TLL2: variants seen among roughly 807,000 people sequenced by gnomAD.
TLL2 encodes tolloid-like protein 2.
Under a neutral mutation model 123.0 loss-of-function variants are expected in TLL2, and 106 were observed. That is an observed-to-expected ratio of 0.86 (90% CI 0.74 to 1.01). The LOEUF (loss-of-function observed/expected upper bound fraction) is 1.01. Ranked by LOEUF, TLL2 falls within the 50% of genes least tolerant of loss-of-function variation. The probability of loss-of-function intolerance (pLI) is 0.00; values close to 1 mark genes in which losing one functional copy is unlikely to be tolerated. For synonymous variants in TLL2, 494 were observed against 516.8 expected (o/e 0.96, Z 0.60); for missense variants, 1,332 against 1,336.7 (o/e 1.00, Z 0.06).
At chr10:96,376,671 T>A (rs1846140313) in intron 18 of TLL2, 21 bp downstream of exon 18, 1 of 1,609,338 alleles carries the variant, frequency 6.2e-7, no homozygotes, top group South Asian at 1.1e-5. Context: ...ACATTCTCAA[T>A]AAACTACAAA....
At position 96,395,314 on chromosome 10, in the gene TLL2, G is replaced by A; in HGVS notation, c.1599C>T (p.Ala533=). 6.2e-7 allele frequency: 1 copy of A among 1,613,954 alleles called. No individual in the cohort carries two copies. Among genetic ancestry groups the A allele is most frequent in the East Asian group, 2.2e-5 (1 of 44,872 alleles). ...EVRDGPTEES[A]LIGHFCGYEK... ...CATAGCCACAAAAGTGGCCGATCAG[G>A]GCACTCTCTTCCGTGGGGCCATCCC... The change falls in exon 13 of 21, where the codon GCC becomes GCT. Residue 533 remains alanine, a synonymous_variant. Transcript: ENST00000357947.
chr10:96,483,397 CAT>C (rs1847329632), intron 1 of TLL2, among the ~76,000 whole-genome samples: 1 of 152,234 alleles, frequency 6.6e-6, no homozygotes, highest in Non-Finnish European at 1.5e-5. Flanking sequence ...CCTCTTGCAA[CAT>C]GTGTCCAGCC....
At chr10:96,432,525 C>G (rs761651339) in intron 4 of TLL2, among the ~76,000 whole-genome samples, 2 of 152,166 alleles carry the variant, frequency 1.3e-5, no homozygotes, top group Non-Finnish European at 2.9e-5. Flanking sequence ...AAACAGTCAT[C>G]ATGCAAACCC....
At position 96,373,627 on chromosome 10, in the gene TLL2, C is replaced by T. The variant is rs996124923; in HGVS notation, c.2631G>A (p.Gln877=). 3 of 1,614,124 alleles carry T rather than the reference C, an allele frequency of 1.9e-6. No homozygotes were observed. In the African/African-American group the frequency reaches 4.0e-5, roughly 22 times the overall value. ...FLRFYSDASV[Q]RKGFQAVHST... is the part of the protein sequence containing the mutation. ...TGTGCACTGCCTGGAAGCCTTTCCT[C>T]TGCACTGAGGCATCCGAATAAAACC... The change falls in exon 19 of 21, where the codon CAG becomes CAA. Residue 877 remains glutamine (Q), a synonymous_variant. Transcript: ENST00000357947.
chr10:96,494,640 G>A (rs771613908), intron 1 of TLL2, among the ~76,000 whole-genome samples: 1 of 152,212 alleles, frequency 6.6e-6, no homozygotes, highest in Non-Finnish European at 1.5e-5. Flanking sequence ...CAAATATTCT[G>A]CAGTGGCTCT....
At chr10:96,484,481 C>T (rs184253374) in intron 1 of TLL2, among the ~76,000 whole-genome samples, 1 of 152,162 alleles carries the variant, frequency 6.6e-6, no homozygotes, top group East Asian at 1.9e-4. Context: ...TTGGCAACCT[C>T]GCACATATTA....
chr10:96,370,330 A>G lies in TLL2; in HGVS notation c.2663-15T>C. On this transcript the variant is annotated splice_polypyrimidine_tract_variant and intron_variant, in intron 19 of 20. Transcript: ENST00000357947. Reference sequence around the variant, plus strand: ...GCCCCCGCACTCTGGAGCAGAGAGAAGTGAGATGTCCCCTCAGCACAAGAC... The same window carrying G: ...GCCCCCGCACTCTGGAGCAGAGAGAGGTGAGATGTCCCCTCAGCACAAGAC... 6.5e-7 allele frequency: 1 copy of G among 1,548,598 alleles called. No homozygotes were observed. The highest frequency in any genetic ancestry group is 8.7e-7 in the Non-Finnish European group (1 of 1,144,632).
At chr10:96,438,481 G>C (rs1846819514) in intron 3 of TLL2, among the ~76,000 whole-genome samples, 1 of 152,150 alleles carries the variant, frequency 6.6e-6, no homozygotes, top group South Asian at 2.1e-4. Context: ...GAAATGTGCT[G>C]GCCTTGTATT....
intron 2 of TLL2, among the ~76,000 whole-genome samples, chr10:96,457,877 C>A (rs754747231): frequency 1.3e-5 from 2 of 152,220 alleles, no homozygotes; most frequent in Non-Finnish European, 2.9e-5. Context: ...TCTCAGCCTC[C>A]ATTTGTTTCC....
chr10:96,480,386 C>A lies in TLL2; in HGVS notation c.249G>T (p.Trp83Cys). 6.2e-7 allele frequency: 1 copy of A among 1,614,212 alleles called. No homozygotes were observed. Among genetic ancestry groups the A allele is most frequent in the Admixed American group, 1.7e-5 (1 of 60,026 alleles). The stretch of plus-strand genomic sequence containing the variant: ...CTGTTGCCCCCACTGTCTGCTTGGT[C>A]CAGTCTCTGGCTTTGTCAATGTGAA... ...KLFHIDKARD[W>C]TKQTVGATGH... is the part of the protein sequence containing the mutation. Residue 83 changes from tryptophan to cysteine, a missense_variant, in exon 2 of 21, where the codon TGG becomes TGT. Trp to Cys is a radical substitution (Grantham distance 215). Coordinates refer to ENST00000357947, the MANE Select transcript of TLL2 (RefSeq NM_012465.4).
At chr10:96,491,055 A>G (rs1847407237) in intron 1 of TLL2, among the ~76,000 whole-genome samples, 1 of 152,164 alleles carries the variant, frequency 6.6e-6, no homozygotes, top group South Asian at 2.1e-4. Flanking sequence ...AGAGATGTAG[A>G]GCTTGAACAT....
At chr10:96,396,463 C>T (rs1846342030) in intron 11 of TLL2, among the ~76,000 whole-genome samples, 1 of 152,072 alleles carries the variant, frequency 6.6e-6, no homozygotes. Flanking sequence ...ATGCACATTA[C>T]TTATTTTACA....
rs931732846 is a variant in TLL2 at position 96,367,549 on chromosome 10, C to G, written c.*539G>C. 6.5e-6 allele frequency: 1 copy of G among 154,008 alleles called. No homozygotes were observed. 9.5% of individuals were successfully genotyped at this position (154,008 alleles called of 1,614,324 possible). A position where few individuals can be genotyped will look rare whatever the true frequency, so the allele number is the denominator to read the frequency against. ...CTGTGCTCACTGCTCACTGTGATGC[C>G]TTTTTTTAGTCCTGACATCCATCCA... is the stretch of plus-strand genomic sequence containing the variant. On this transcript the variant is annotated 3_prime_UTR_variant, in exon 21 of 21. Transcript: ENST00000357947.
rs1309646740 is a variant in TLL2, at chr10:96,436,735, G to A, written c.365-3773C>T. ...GGGTCTGGCTCTGTCACCCAGGCTG[G>A]AGTGCAGTGGCATGATCTCAGCTCA... is the stretch of plus-strand genomic sequence containing the variant. On this transcript the variant is annotated intron_variant, in intron 3 of 20. Transcript: ENST00000357947. Among the ~76,000 whole-genome samples, 3 of 151,288 alleles carry A rather than the reference G, an allele frequency of 2.0e-5. 1 individual carries two copies. Among genetic ancestry groups the A allele is most frequent in the Admixed American group, 2.0e-4 (3 of 15,194 alleles).
At chr10:96,371,114 G>A (rs557991476) in intron 19 of TLL2, among the ~76,000 whole-genome samples, 1 of 152,214 alleles carries the variant, frequency 6.6e-6, no homozygotes, top group East Asian at 1.9e-4. Context: ...TTGAGGTCAG[G>A]AGTTTGCGAC....
chr10:96,448,707 GAGA>G (rs1259107818), intron 2 of TLL2, among the ~76,000 whole-genome samples: 5 of 152,156 alleles, frequency 3.3e-5, no homozygotes, highest in Admixed American at 6.5e-5. Flanking sequence ...GATATCTGGA[GAGA>G]AGCATTTCAA....
intron 17 of TLL2, 112 bp downstream of exon 17, chr10:96,378,855 A>G (rs1195210982): frequency 7.0e-7 from 1 of 1,418,884 alleles, no homozygotes; most frequent in African/African-American, 1.4e-5. Flanking sequence ...GCCTCAGCTC[A>G]GAAGGTGGAA....
Position 96,378,993 on chromosome 10 carries a change from T to G in TLL2, c.2294A>C (p.His765Pro). Reference sequence around the variant, plus strand: ...CTCTTTGCAGTCATGCCCATTCTCGTGGAGCCAGTAGCCGTTTCTGCACCT... The same window carrying G: ...CTCTTTGCAGTCATGCCCATTCTCGGGGAGCCAGTAGCCGTTTCTGCACCT... ...LCRCRNGYWL[H>P]ENGHDCKEAG... The change falls in exon 17 of 21, where the codon CAC (histidine) becomes CCC (proline). Residue 765 changes from histidine (H) to proline (P), a missense_variant. Transcript: ENST00000357947. 6.2e-7 allele frequency: 1 copy of G among 1,614,202 alleles called. No individual in the cohort carries two copies. The highest frequency in any genetic ancestry group is 8.5e-7 in the Non-Finnish European group (1 of 1,180,028).
chr10:96,428,531 A>G, intron 5 of TLL2, 100 bp downstream of exon 5: 2 of 796,940 alleles, frequency 2.5e-6, no homozygotes, highest in Non-Finnish European at 4.1e-6. Flanking sequence ...ACTCCTCTAA[A>G]TAACAGCTCA....
Sources: gnomAD v4.1 joint callset for allele counts (sites outside exome capture counted in the v4.1 genomes callset) on GRCh38, gnomAD v4.1.1 for gene constraint, MANE v1.5 for transcripts, NCBI Gene and HGNC (gene_info 2026-07-23, HGNC 2026-07-21) for gene names.